CDH10: variants seen among roughly 807,000 people sequenced by gnomAD.
CDH10 encodes the protein cadherin 10, also known as cadherin-10.
Under a neutral mutation model 73.1 loss-of-function variants are expected in CDH10, and 30 were observed. The observed-to-expected ratio is 0.41, with a 90% CI of 0.31 to 0.56. The LOEUF (loss-of-function observed/expected upper bound fraction) is 0.56, where lower values mean the gene tolerates loss of function less well. CDH10 is among the 20% of genes least tolerant of loss of function. The pLI, the probability that CDH10 is intolerant of heterozygous loss-of-function variation, is 0.27. For missense variants in CDH10, 815 were observed against 973.7 expected, an observed-to-expected ratio of 0.84 and a Z score of 2.17; for synonymous variants, 345 against 348.2, an observed-to-expected ratio of 0.99 and a Z score of 0.10.
chr5:24,489,647 T>C (rs1245815278), intron 11 of CDH10, among the ~76,000 whole-genome samples: 1 of 152,240 alleles, frequency 6.6e-6, no homozygotes, highest in South Asian at 2.1e-4. Flanking sequence ...GAATGTTTTT[T>C]GATTAGGGTA....
At chr5:24,616,337 G>T (rs1188594984) in intron 1 of CDH10, among the ~76,000 whole-genome samples, 2 of 152,016 alleles carry the variant, frequency 1.3e-5, no homozygotes, top group African/African-American at 4.8e-5. Context: ...CAACGAATTT[G>T]GATTATGGTT....
At chr5:24,604,872 A>C (rs7728107) in intron 1 of CDH10, among the ~76,000 whole-genome samples, 95,515 of 119,876 alleles carry the variant, frequency 0.8, 36,227 homozygotes, top group Middle Eastern at 0.86. Flanking sequence ...AGATGTCTCT[A>C]AAAAAAAAAA....
chr5:24,513,766 G>C (rs967659053), intron 5 of CDH10, among the ~76,000 whole-genome samples: 2 of 152,022 alleles, frequency 1.3e-5, no homozygotes, highest in Non-Finnish European at 1.5e-5. Context: ...CCATCTTATT[G>C]GTTCTCTTTG....
chr5:24,518,736 C>A (rs1380652303), intron 5 of CDH10, among the ~76,000 whole-genome samples: 1 of 151,940 alleles, frequency 6.6e-6, no homozygotes, highest in Non-Finnish European at 1.5e-5. Flanking sequence ...AATGCTTGCA[C>A]TCAAAAATAT....
At chr5:24,494,443 G>A (rs1323513765) in intron 9 of CDH10, among the ~76,000 whole-genome samples, 1 of 151,962 alleles carries the variant, frequency 6.6e-6, no homozygotes, top group South Asian at 2.1e-4. Context: ...AAAAAAGACA[G>A]TAGACTACTA....
chr5:24,589,902 A>G (rs942183901), intron 2 of CDH10, among the ~76,000 whole-genome samples: 4 of 152,126 alleles, frequency 2.6e-5, no homozygotes, highest in Non-Finnish European at 5.9e-5. Flanking sequence ...TACGGAGGTA[A>G]CATATTTCAA....
chr5:24,588,732 A>C (rs1271276225), intron 2 of CDH10, among the ~76,000 whole-genome samples: 1 of 152,184 alleles, frequency 6.6e-6, no homozygotes, highest in African/African-American at 2.4e-5. Context: ...AATTTGAGTT[A>C]GTCTCTCATG....
At chr5:24,572,935 GAAAAAAAA>G (rs55946839) in intron 2 of CDH10, among the ~76,000 whole-genome samples, 1 of 72,116 alleles carries the variant, frequency 1.4e-5, no homozygotes, top group Non-Finnish European at 2.5e-5. Context: ...CTTAGAAAAA[GAAAAAAAA>G]AAAAAAAAAA....
chr5:24,598,791 G>A (rs372859365), intron 1 of CDH10, among the ~76,000 whole-genome samples: 4 of 152,066 alleles, frequency 2.6e-5, no homozygotes, highest in African/African-American at 9.7e-5. Context: ...AAGCAAAACC[G>A]TTTGAAATTA....
chr5:24,494,131 A>G (rs139151564), intron 9 of CDH10, among the ~76,000 whole-genome samples: 55 of 152,016 alleles, frequency 3.6e-4, no homozygotes, highest in African/African-American at 1.3e-3. Context: ...ATCATTTAAA[A>G]CTTTGAATTA....
chr5:24,644,460 T>TGCTTATTAAGTATTAAGC (rs1748150849), intron 1 of CDH10, 134 bp downstream of exon 1: 2 of 152,128 alleles, frequency 1.3e-5, no homozygotes, highest in Admixed American at 6.6e-5. Context: ...GTATTAAAGA[T>TGCTTATTAAGTATTAAGC]AATTATTTTG....
chr5:24,502,766 T>C (rs916634940), intron 8 of CDH10, among the ~76,000 whole-genome samples: 3 of 152,150 alleles, frequency 2.0e-5, no homozygotes, highest in Non-Finnish European at 4.4e-5. Flanking sequence ...AATAAGGATA[T>C]TGAATCAAGC....
At chr5:24,599,490 A>C (rs1045215381) in intron 1 of CDH10, among the ~76,000 whole-genome samples, 2 of 152,184 alleles carry the variant, frequency 1.3e-5, no homozygotes, top group African/African-American at 4.8e-5. Context: ...TAAGAAAACC[A>C]TTTGTGCATG....
chr5:24,565,504 A>C lies in CDH10; in HGVS notation c.231+27756T>G, dbSNP rs148389132. ...AAATTGTTGAATGAAAGAAGTGCAA[A>C]ATCAATGGAAAGATATAACATCTTC... On this transcript the variant is annotated intron_variant, in intron 2 of 11. Coordinates refer to ENST00000264463, the MANE Select transcript of CDH10 (RefSeq NM_006727.5). Among the ~76,000 whole-genome samples, 179 of 152,290 alleles carry C rather than the reference A, an allele frequency of 1.2e-3. 4 individuals are homozygous for C. The highest frequency in any genetic ancestry group is 0.011 in the Admixed American group (173 of 15,296).
intron 2 of CDH10, among the ~76,000 whole-genome samples, chr5:24,539,224 G>C (rs1450035041): frequency 6.6e-6 from 1 of 151,838 alleles, no homozygotes; most frequent in African/African-American, 2.4e-5. Context: ...ACCTAAATAA[G>C]TTTCATTTTT....
At chr5:24,586,681 G>A (rs1414566963) in intron 2 of CDH10, among the ~76,000 whole-genome samples, 1 of 151,344 alleles carries the variant, frequency 6.6e-6, no homozygotes, top group Non-Finnish European at 1.5e-5. Flanking sequence ...CTGACCTCAG[G>A]TGATCCACCC....
At chr5:24,548,868 G>A (rs1345969206) in intron 2 of CDH10, among the ~76,000 whole-genome samples, 1 of 152,038 alleles carries the variant, frequency 6.6e-6, no homozygotes, top group Non-Finnish European at 1.5e-5. Flanking sequence ...AATAAAAGTA[G>A]AGATAGAGAG....
chr5:24,541,521 C>T (rs1032694149), intron 2 of CDH10, among the ~76,000 whole-genome samples: 4 of 151,876 alleles, frequency 2.6e-5, no homozygotes, highest in South Asian at 4.1e-4. Flanking sequence ...TTTTATTGAA[C>T]GAAAGAGTTT....
intron 2 of CDH10, among the ~76,000 whole-genome samples, chr5:24,539,152 G>T (rs919363635): frequency 1.3e-5 from 2 of 151,896 alleles, no homozygotes; most frequent in African/African-American, 4.8e-5. Context: ...ACAGCCTACA[G>T]AATTGAGAAT....
Sources: gnomAD v4.1 joint callset for allele counts (sites outside exome capture counted in the v4.1 genomes callset) on GRCh38, gnomAD v4.1.1 for gene constraint, MANE v1.5 for transcripts, NCBI Gene and HGNC (gene_info 2026-07-23, HGNC 2026-07-21) for gene names.